The following AP2B1 variants were observed in gnomAD, a reference collection of about 807,000 sequenced individuals.
AP2B1 encodes the protein AP-2 complex subunit beta.
AP2B1 carries 23 observed loss-of-function variants against 102.0 expected under a neutral mutation model. The observed-to-expected ratio is 0.23, with a 90% CI of 0.16 to 0.32. AP2B1 has a LOEUF of 0.32. AP2B1 is among the 10% of genes least tolerant of loss of function. AP2B1 has a pLI of 1.00. For synonymous variants in AP2B1, 381 were observed against 421.2 expected (o/e 0.90, Z 1.17); for missense variants, 541 against 1,157.4 (o/e 0.47, Z 7.73).
intron 18 of AP2B1, among the ~76,000 whole-genome samples, chr17:35,699,073 AC>A (rs1342306131): frequency 1.3e-5 from 2 of 152,238 alleles, no homozygotes; most frequent in Non-Finnish European, 2.9e-5. Context: ...CAGAATGGGT[AC>A]TACAGGAGAA....
intron 5 of AP2B1, among the ~76,000 whole-genome samples, chr17:35,619,821 G>C (rs539212235): frequency 4.3e-4 from 66 of 152,116 alleles, no homozygotes; most frequent in Middle Eastern, 3.4e-3. Flanking sequence ...GTCTCATTCT[G>C]TTGTCCAGGC....
intron 4 of AP2B1, among the ~76,000 whole-genome samples, chr17:35,606,933 T>G (rs1762719035): frequency 6.6e-6 from 1 of 151,984 alleles, no homozygotes; most frequent in Admixed American, 6.6e-5. Context: ...GTGACAGAAT[T>G]TCACTCTTGT....
At position 35,591,082 on chromosome 17, in the gene AP2B1, G is replaced by C. The variant is rs1321990887; in HGVS notation, c.-23-2926G>C. On this transcript the variant is annotated intron_variant, in intron 1 of 21. Transcript: ENST00000610402. Reference sequence around the variant, plus strand: ...CCAGCTACTCTGAAGGCTAAGGCAGGAGAATCACTTGAACCTGGGAGGCAA... The same window carrying C: ...CCAGCTACTCTGAAGGCTAAGGCAGCAGAATCACTTGAACCTGGGAGGCAA... 2.7e-5 allele frequency among the ~76,000 whole-genome samples: 4 copies of C among 149,886 alleles called. No homozygotes were observed. The Admixed American group carries it at 2.7e-4, about 10-fold the overall frequency.
At chr17:35,677,894 T>C (rs1160328722) in intron 17 of AP2B1, among the ~76,000 whole-genome samples, 3 of 151,684 alleles carry the variant, frequency 2.0e-5, no homozygotes, top group South Asian at 2.1e-4. Flanking sequence ...AGTTTTTCGC[T>C]TGTCACCCAG....
intron 18 of AP2B1, among the ~76,000 whole-genome samples, chr17:35,695,776 G>A (rs752660497): frequency 7.8e-4 from 118 of 152,214 alleles, no homozygotes; most frequent in Non-Finnish European, 1.3e-3. Context: ...AAGCCGAAAG[G>A]CACCAGTCTT....
In AP2B1 at chr17:35,598,181, C is replaced by G. The variant is rs185258793; in HGVS notation, c.38-49C>G. On this transcript the variant is annotated intron_variant, in intron 2 of 21. Transcript: ENST00000610402. The stretch of plus-strand genomic sequence containing the variant: ...TTATTACATAGTGTAGTATTCTGCT[C>G]TAAGTCTGTGGTACTGGAACCTTAC... The G allele has an allele frequency of 6.8e-4, 810 of 1,185,694 alleles. 4 individuals carry two copies. The highest frequency in any genetic ancestry group is 2.1e-4 in the Admixed American group (12 of 56,538). The allele number at this position is 1,185,694 out of a possible 1,614,324, so 73.4% of individuals were successfully genotyped here.
At chr17:35,593,465 A>G (rs1299920914) in intron 1 of AP2B1, among the ~76,000 whole-genome samples, 2 of 151,714 alleles carry the variant, frequency 1.3e-5, no homozygotes, top group Admixed American at 6.6e-5. Flanking sequence ...AATTCCATGC[A>G]TAAGTCATGG....
intron 6 of AP2B1, among the ~76,000 whole-genome samples, chr17:35,626,147 GCCTGCCT>G (rs1225543554): frequency 2.0e-5 from 3 of 152,076 alleles, no homozygotes. Flanking sequence ...TTCCCTACCA[GCCTGCCT>G]CCTGCTGTAT....
chr17:35,640,227 A>ATTT (rs745826240), intron 11 of AP2B1, among the ~76,000 whole-genome samples: 10 of 60,538 alleles, frequency 1.7e-4, no homozygotes, highest in African/African-American at 6.4e-4. Flanking sequence ...AGTTTTACTG[A>ATTT]TTTTTTTTTT....
At chr17:35,720,545 T>TATATATATATATATATA (rs1568062926) in intron 21 of AP2B1, among the ~76,000 whole-genome samples, 11 of 54,374 alleles carry the variant, frequency 2.0e-4, no homozygotes, top group South Asian at 1.7e-3. Context: ...TTTATTTTAT[T>TATATATATATATATATA]TATATATATA....
At chr17:35,684,469 T>C (rs1226370449) in intron 18 of AP2B1, among the ~76,000 whole-genome samples, 1 of 152,186 alleles carries the variant, frequency 6.6e-6, no homozygotes, top group Admixed American at 6.6e-5. Flanking sequence ...CATTCTTCAG[T>C]CATTTAAATA....
In AP2B1 at chr17:35,688,404, C is replaced by T. The variant is rs587746993; in HGVS notation, c.2454+5580C>T. 7.9e-5 allele frequency among the ~76,000 whole-genome samples: 12 copies of T among 152,158 alleles called. No homozygotes were observed. In the East Asian group the frequency reaches 1.9e-3, roughly 24 times the overall value. The stretch of plus-strand genomic sequence containing the variant: ...TCTCAGTGAAAGCTTGTACTTTGTC[C>T]CCAGTGTTTTAAATTTCAGTGATGT... On this transcript the variant is annotated intron_variant, in intron 18 of 21. Coordinates refer to ENST00000610402, the MANE Select transcript of AP2B1 (RefSeq NM_001030006.2).
intron 20 of AP2B1, among the ~76,000 whole-genome samples, chr17:35,711,076 A>C (rs1455886793): frequency 6.6e-6 from 1 of 152,200 alleles, no homozygotes; most frequent in Non-Finnish European, 1.5e-5. Context: ...AAACAATAGC[A>C]GCTATTAGTC....
chr17:35,709,962 A>G lies in AP2B1; in HGVS notation c.2540-272A>G, dbSNP rs587632364. Among the ~76,000 whole-genome samples, 8 of 152,368 alleles carry G rather than the reference A, an allele frequency of 5.3e-5. 1 individual carries two copies. In the South Asian group the frequency reaches 1.7e-3, roughly 32 times the overall value. The stretch of plus-strand genomic sequence containing the variant: ...TATAGATAAAGAAATTAAGGCTCAG[A>G]AAGGTCATAAGTCACCAAAATAGGA... On this transcript the variant is annotated intron_variant, in intron 19 of 21. Coordinates refer to ENST00000610402, the MANE Select transcript of AP2B1 (RefSeq NM_001030006.2).
chr17:35,617,550 A>G (rs2074059020), intron 5 of AP2B1, among the ~76,000 whole-genome samples: 1 of 152,192 alleles, frequency 6.6e-6, no homozygotes, highest in Non-Finnish European at 1.5e-5. Flanking sequence ...ACTTACCCAC[A>G]AATGAAGCTA....
chr17:35,685,205 A>G (rs960443182), intron 18 of AP2B1, among the ~76,000 whole-genome samples: 1 of 152,186 alleles, frequency 6.6e-6, no homozygotes, highest in Non-Finnish European at 1.5e-5. Context: ...GCATTTCCCA[A>G]TGGATATGAT....
intron 13 of AP2B1, among the ~76,000 whole-genome samples, chr17:35,654,003 A>G (rs1172355762): frequency 6.6e-6 from 1 of 152,134 alleles, no homozygotes; most frequent in African/African-American, 2.4e-5. Context: ...GTTTGTGTCA[A>G]AATTTAACTA....
Position 35,692,032 on chromosome 17 carries a change from A to G in AP2B1, c.2454+9208A>G, listed in dbSNP as rs145688353. The stretch of plus-strand genomic sequence containing the variant: ...AAGCAGTATCTTTTGTCTTTCTGTA[A>G]CCAGCACTCAACTACTGGTTTCTGG... On this transcript the variant is annotated intron_variant, in intron 18 of 21. Coordinates refer to ENST00000610402, the MANE Select transcript of AP2B1 (RefSeq NM_001030006.2). 9.3e-3 allele frequency among the ~76,000 whole-genome samples: 1,418 copies of G among 152,292 alleles called. 11 individuals carry two copies. Among genetic ancestry groups the G allele is most frequent in the Non-Finnish European group, 0.014 (929 of 68,028 alleles).
intron 2 of AP2B1, among the ~76,000 whole-genome samples, chr17:35,595,147 G>A (rs1227298337): frequency 6.6e-6 from 1 of 152,182 alleles, no homozygotes; most frequent in Non-Finnish European, 1.5e-5. Context: ...CAACACATCA[G>A]AATTGCTCAG....
Sources: gnomAD v4.1 joint callset for allele counts (sites outside exome capture counted in the v4.1 genomes callset) on GRCh38, gnomAD v4.1.1 for gene constraint, MANE v1.5 for transcripts, NCBI Gene and HGNC (gene_info 2026-07-23, HGNC 2026-07-21) for gene names.